The following RPS6KA2 variants were observed in gnomAD, a reference collection of about 807,000 sequenced individuals.
The protein encoded by RPS6KA2 is ribosomal protein S6 kinase A2, also known as ribosomal protein S6 kinase alpha-2.
Under a neutral mutation model 91.8 loss-of-function variants are expected in RPS6KA2, and 42 were observed. The ratio of observed to expected loss-of-function variants is 0.46; its 90% CI spans 0.36 to 0.59. The LOEUF is 0.59. Among genes scored for constraint, RPS6KA2 ranks in the 20% least tolerant of loss-of-function variants. The probability of loss-of-function intolerance (pLI) is 0.00; values close to 1 mark genes in which losing one functional copy is unlikely to be tolerated. For missense variants in RPS6KA2, 798 were observed against 978.5 expected, an observed-to-expected ratio of 0.82 and a Z score of 2.46; for synonymous variants, 414 against 393.6, an observed-to-expected ratio of 1.05 and a Z score of -0.61.
intron 2 of RPS6KA2, among the ~76,000 whole-genome samples, chr6:166,755,296 C>T (rs1474407138): frequency 6.6e-6 from 1 of 152,038 alleles, no homozygotes; most frequent in Non-Finnish European, 1.5e-5. Context: ...ACCGCCCCAG[C>T]CTACAACCCC....
intron 2 of RPS6KA2, among the ~76,000 whole-genome samples, chr6:166,532,670 G>C (rs1474420466): frequency 3.9e-5 from 6 of 152,092 alleles, no homozygotes; most frequent in African/African-American, 1.4e-4. Context: ...GTGCAGGACG[G>C]TACAGCATCA....
chr6:166,824,624 TCTATGTGG>T (rs1779987375), intron 2 of RPS6KA2, among the ~76,000 whole-genome samples: 4 of 146,414 alleles, frequency 2.7e-5, no homozygotes, highest in East Asian at 4.3e-4. Context: ...TGTCTGTGTG[TCTATGTGG>T]GTGTCTGTAT....
chr6:166,681,940 C>T (rs1007491547), intron 2 of RPS6KA2, among the ~76,000 whole-genome samples: 7 of 152,180 alleles, frequency 4.6e-5, no homozygotes, highest in Admixed American at 1.3e-4. Context: ...CACCACCGCA[C>T]TGTTCTCCCG....
intron 3 of RPS6KA2, among the ~76,000 whole-genome samples, chr6:166,513,739 T>C (rs1265309339): frequency 6.6e-6 from 1 of 152,158 alleles, no homozygotes; most frequent in Non-Finnish European, 1.5e-5. Context: ...AGAGGGGCCA[T>C]GAATGGAAAC....
At chr6:166,632,450 T>C (rs1787107026) in intron 2 of RPS6KA2, among the ~76,000 whole-genome samples, 1 of 151,926 alleles carries the variant, frequency 6.6e-6, no homozygotes, top group Non-Finnish European at 1.5e-5. Context: ...CCTTCTCTAC[T>C]AAAAATACAA....
chr6:166,553,272 C>T (rs941494318), intron 1 of RPS6KA2, among the ~76,000 whole-genome samples: 14 of 152,094 alleles, frequency 9.2e-5, no homozygotes, highest in African/African-American at 3.4e-4. Flanking sequence ...GTAAGTGACA[C>T]CATGCCCGGC....
intron 1 of RPS6KA2, among the ~76,000 whole-genome samples, chr6:166,571,601 A>G (rs970028332): frequency 3.9e-5 from 6 of 152,250 alleles, no homozygotes; most frequent in African/African-American, 1.4e-4. Flanking sequence ...ATGGGGGGAA[A>G]TTTAAAATCC....
rs576373885 is a variant in RPS6KA2 at position 166,412,950 on chromosome 6, C to T, written c.2077-63G>A. On this transcript the variant is annotated intron_variant, in intron 20 of 20. Transcript: ENST00000265678. The surrounding 1 kb of genome is among the most constrained non-coding windows in gnomAD (Gnocchi z 4.3). ...TCACTCCAGGGGTTGAGCCGGAGCCCGGGGCCTCCATGGGCCTCAGCTGCC... is the reference window on the plus strand; with the variant it reads ...TCACTCCAGGGGTTGAGCCGGAGCCTGGGGCCTCCATGGGCCTCAGCTGCC... 55 of 1,474,500 alleles carry T rather than the reference C, an allele frequency of 3.7e-5. 1 individual carries two copies. In the Middle Eastern group the frequency reaches 7.2e-4, roughly 19 times the overall value. 91.3% of individuals were successfully genotyped at this position (1,474,500 alleles called of 1,614,324 possible).
chr6:166,488,888 C>G lies in RPS6KA2; in HGVS notation c.852G>C (p.Gly284=). Residue 284 remains glycine (G), a synonymous_variant, in exon 10 of 21, where the codon GGG becomes GGC. Transcript: ENST00000265678. ...AKLGMPQFLS[G]EAQSLLRALF... ...GAGCTCGCAGCAAACTCTGTGCCTC[C>G]CCACTGAGGAACTGCGGCATCCCCA... is the stretch of plus-strand genomic sequence containing the variant. 6.2e-7 allele frequency: 1 copy of G among 1,613,770 alleles called. No homozygotes were observed. Among genetic ancestry groups the G allele is most frequent in the South Asian group, 1.1e-5 (1 of 90,982 alleles).
chr6:166,838,309 C>T (rs1381225086), intron 2 of RPS6KA2, among the ~76,000 whole-genome samples: 32 of 152,198 alleles, frequency 2.1e-4, no homozygotes, highest in East Asian at 1.9e-4. Flanking sequence ...ACCTTCCTAA[C>T]GCAATGGTTC....
intron 2 of RPS6KA2, among the ~76,000 whole-genome samples, chr6:166,794,190 T>C (rs201576566): frequency 0.81 from 98,636 of 121,894 alleles, 39,878 homozygotes; most frequent in East Asian, 0.97. Flanking sequence ...AAAAAGTGGG[T>C]GAAGGATATG....
chr6:166,842,232 G>A (rs1780502141), intron 2 of RPS6KA2, among the ~76,000 whole-genome samples: 1 of 152,228 alleles, frequency 6.6e-6, no homozygotes, highest in Non-Finnish European at 1.5e-5. Context: ...AGATACGTGA[G>A]TCTCCAACCC....
intron 10 of RPS6KA2, among the ~76,000 whole-genome samples, chr6:166,474,931 C>T (rs1022797281): frequency 2.0e-5 from 3 of 152,196 alleles, no homozygotes; most frequent in Admixed American, 6.5e-5. Context: ...GGAGCCTACC[C>T]GTGATGCTGC....
intron 2 of RPS6KA2, among the ~76,000 whole-genome samples, chr6:166,693,585 G>A (rs7766723): frequency 0.51 from 77,798 of 152,062 alleles, 20,977 homozygotes; most frequent in African/African-American, 0.69. Context: ...GGGAGATCGA[G>A]GGTACACTCA....
At chr6:166,800,150 A>G (rs904944167) in intron 2 of RPS6KA2, among the ~76,000 whole-genome samples, 5 of 152,222 alleles carry the variant, frequency 3.3e-5, no homozygotes, top group African/African-American at 1.2e-4. Context: ...CAGGAGTTCT[A>G]GAAAAATATT....
intron 11 of RPS6KA2, among the ~76,000 whole-genome samples, chr6:166,466,011 G>A (rs141418054): frequency 1.9e-4 from 29 of 152,302 alleles, no homozygotes; most frequent in African/African-American, 5.8e-4. Flanking sequence ...CCTTCCTCTG[G>A]GAAGTACAGA....
chr6:166,461,799 C>T (rs1349028699), intron 11 of RPS6KA2, among the ~76,000 whole-genome samples: 1 of 152,240 alleles, frequency 6.6e-6, no homozygotes, highest in South Asian at 2.1e-4. Flanking sequence ...GCCCCTCTAG[C>T]TCCTCTCCTC....
At chr6:166,700,561 G>A (rs6911624) in intron 2 of RPS6KA2, among the ~76,000 whole-genome samples, 37,494 of 151,924 alleles carry the variant, frequency 0.25, 5,485 homozygotes, top group African/African-American at 0.41. Context: ...AAAAATGCAC[G>A]TTTTATACCC....
chr6:166,651,851 G>A (rs958823497), intron 2 of RPS6KA2, among the ~76,000 whole-genome samples: 3 of 152,228 alleles, frequency 2.0e-5, no homozygotes, highest in African/African-American at 4.8e-5. Flanking sequence ...AGGAATCCAC[G>A]TGTAAGCTAT....
Sources: gnomAD v4.1 joint callset for allele counts (sites outside exome capture counted in the v4.1 genomes callset) on GRCh38, gnomAD v4.1.1 for gene constraint, Gnocchi (gnomAD v3.1) non-coding constraint, MANE v1.5 for transcripts, NCBI Gene and HGNC (gene_info 2026-07-23, HGNC 2026-07-21) for gene names.